Variants in POF1B observed in about 807,000 individuals in gnomAD.
POF1B encodes the protein POF1B actin binding protein.
Under a neutral mutation model 55.3 loss-of-function variants are expected in POF1B, and 53 were observed. The observed-to-expected ratio is 0.96, with a 90% CI of 0.77 to 1.20. POF1B has a LOEUF of 1.20. Among genes scored for constraint, POF1B ranks in the 50% most tolerant of loss-of-function variants. The probability of loss-of-function intolerance (pLI) is 0.00; values close to 1 mark genes in which losing one functional copy is unlikely to be tolerated. For missense variants in POF1B, 478 were observed against 420.5 expected, an observed-to-expected ratio of 1.14 and a Z score of -1.20; for synonymous variants, 188 against 148.3, an observed-to-expected ratio of 1.27 and a Z score of -1.95.
chrX:85,298,390 G>A (rs1218516296), intron 15 of POF1B, among the ~76,000 whole-genome samples: 1 of 111,651 alleles, frequency 9.0e-6, no homozygotes, highest in Non-Finnish European at 1.9e-5. Context: ...GAGATCTCTT[G>A]TAGCTAGGAT....
intron 15 of POF1B, among the ~76,000 whole-genome samples, chrX:85,296,746 C>T (rs1603027191): frequency 9.0e-6 from 1 of 111,722 alleles, no homozygotes; most frequent in Non-Finnish European, 1.9e-5. Flanking sequence ...TAGTATCTCA[C>T]ATAGGTTCTG....
Position 85,315,744 on chromosome X carries a change from C to G in POF1B, c.855-10G>C. On this transcript the variant is annotated splice_polypyrimidine_tract_variant and intron_variant, in intron 7 of 16. Coordinates refer to ENST00000262753, the MANE Select transcript of POF1B (RefSeq NM_024921.4). The stretch of plus-strand genomic sequence containing the variant: ...CTCAAAGTCCTGTTTGCTGCAAGAA[C>G]AAAAAAAAAGATACACAACTTTAGG... 1.7e-6 allele frequency: 2 copies of G among 1,145,831 alleles called. No individual in the cohort carries two copies. Among genetic ancestry groups the G allele is most frequent in the Non-Finnish European group, 2.3e-6 (2 of 860,051 alleles). The allele number at this position is 1,145,831 out of a possible 1,213,427, so 94.4% of individuals were successfully genotyped here.
At chrX:85,317,178 A>G (rs1932794927) in intron 7 of POF1B, among the ~76,000 whole-genome samples, 1 of 110,281 alleles carries the variant, frequency 9.1e-6, no homozygotes, top group Admixed American at 9.6e-5. Context: ...TAGTGCTGCA[A>G]TGAACATAGG....
intron 7 of POF1B, among the ~76,000 whole-genome samples, chrX:85,328,245 C>T (rs746413623): frequency 1.9e-5 from 2 of 107,622 alleles, no homozygotes. Context: ...GGCTCTGTCG[C>T]CCAGACTGGA....
At chrX:85,307,531 G>A (rs1308335264) in intron 10 of POF1B, among the ~76,000 whole-genome samples, 2 of 111,305 alleles carry the variant, frequency 1.8e-5, no homozygotes, top group East Asian at 5.7e-4. Context: ...ATGTTTTAAT[G>A]TTTTCCTCCA....
intron 15 of POF1B, among the ~76,000 whole-genome samples, chrX:85,289,536 G>C (rs747137714): frequency 2.8e-4 from 31 of 111,532 alleles, no homozygotes; most frequent in Middle Eastern, 4.6e-3. Flanking sequence ...ATATCCAATA[G>C]TGTAAAAATA....
intron 6 of POF1B, among the ~76,000 whole-genome samples, chrX:85,341,927 C>A (rs1332626395): frequency 9.0e-6 from 1 of 111,219 alleles, no homozygotes; most frequent in Non-Finnish European, 1.9e-5. Flanking sequence ...CCCTTTACAT[C>A]TTCCCATGAC....
At chrX:85,341,647 G>A (rs1933175026) in intron 6 of POF1B, among the ~76,000 whole-genome samples, 1 of 110,330 alleles carries the variant, frequency 9.1e-6, no homozygotes, top group South Asian at 3.9e-4. Context: ...GGATTGAAGA[G>A]GGCAATAAAC....
At chrX:85,356,486 T>C (rs1255458975) in intron 4 of POF1B, among the ~76,000 whole-genome samples, 1 of 109,933 alleles carries the variant, frequency 9.1e-6, no homozygotes, top group Non-Finnish European at 1.9e-5. Flanking sequence ...AAAAAGATTG[T>C]CTAGGCACTA....
intron 3 of POF1B, among the ~76,000 whole-genome samples, chrX:85,360,831 C>G (rs760879844): frequency 9.1e-6 from 1 of 109,514 alleles, no homozygotes; most frequent in Non-Finnish European, 1.9e-5. Flanking sequence ...ACACTCCCAC[C>G]AACAATGTAT....
chrX:85,326,300 C>T (rs1314314556), intron 7 of POF1B, among the ~76,000 whole-genome samples: 2 of 111,526 alleles, frequency 1.8e-5, no homozygotes, highest in African/African-American at 6.5e-5. Context: ...TATCAGGCTC[C>T]GCCAGTGTCC....
At chrX:85,362,302 G>A (rs932439255) in intron 3 of POF1B, among the ~76,000 whole-genome samples, 2 of 110,984 alleles carry the variant, frequency 1.8e-5, no homozygotes, top group Non-Finnish European at 3.8e-5. Context: ...TGGGGAGAGA[G>A]GGCATCCTTG....
intron 15 of POF1B, among the ~76,000 whole-genome samples, chrX:85,283,788 A>C (rs1289816847): frequency 1.8e-5 from 2 of 111,519 alleles, no homozygotes; most frequent in Non-Finnish European, 3.8e-5. Context: ...AGAGAATCTT[A>C]AAAACAGCCT....
intron 15 of POF1B, among the ~76,000 whole-genome samples, chrX:85,298,694 T>G (rs755032355): frequency 8.9e-6 from 1 of 112,097 alleles, no homozygotes; most frequent in African/African-American, 3.2e-5. Context: ...TTGGCCATCT[T>G]GTCCCTCTCT....
At chrX:85,338,103 A>G (rs1933107789) in intron 6 of POF1B, among the ~76,000 whole-genome samples, 1 of 111,418 alleles carries the variant, frequency 9.0e-6, no homozygotes, top group Non-Finnish European at 1.9e-5. Flanking sequence ...CCTGAATATA[A>G]TAAGTCCTAA....
intron 4 of POF1B, among the ~76,000 whole-genome samples, chrX:85,357,548 A>G (rs1472241403): frequency 1.8e-5 from 2 of 110,563 alleles, no homozygotes; most frequent in Non-Finnish European, 3.8e-5. Context: ...TGTCACTATC[A>G]CTTTCTTAAT....
chrX:85,378,632 T>A (rs1303626846), intron 2 of POF1B, among the ~76,000 whole-genome samples: 1 of 111,914 alleles, frequency 8.9e-6, no homozygotes, highest in Non-Finnish European at 1.9e-5. Context: ...GGCTGTACGA[T>A]AAAAAGTGTG....
intron 12 of POF1B, 57 bp from the exon 13 acceptor site, chrX:85,305,967 A>G (rs1212463344): frequency 4.4e-6 from 5 of 1,141,182 alleles, no homozygotes; most frequent in African/African-American, 1.8e-5. Context: ...AATACATGTT[A>G]TGTTACAAGG....
At chrX:85,364,235 T>C (rs1327286726) in intron 3 of POF1B, among the ~76,000 whole-genome samples, 1 of 111,445 alleles carries the variant, frequency 9.0e-6, no homozygotes, top group Non-Finnish European at 1.9e-5. Flanking sequence ...CTGAGGTGTT[T>C]AGTCCATTTA....
Sources: allele counts gnomAD v4.1 joint callset (sites outside exome capture counted in the v4.1 genomes callset), GRCh38; gene constraint gnomAD v4.1.1; transcripts MANE v1.5; gene names NCBI Gene and HGNC (gene_info 2026-07-23, HGNC 2026-07-21).